Variants in CALN1 observed in about 807,000 individuals in gnomAD.
CALN1 encodes calcium-binding protein 8.
Under a neutral mutation model 30.6 loss-of-function variants are expected in CALN1, and 17 were observed. The observed-to-expected ratio is 0.56, with a 90% confidence interval of 0.38 to 0.83. CALN1 has a LOEUF of 0.83. Among genes scored for constraint, CALN1 ranks in the 40% least tolerant of loss-of-function variants. The probability of loss-of-function intolerance (pLI) is 0.00; values close to 1 mark genes in which losing one functional copy is unlikely to be tolerated. For synonymous variants in CALN1, 156 were observed against 131.4 expected (o/e 1.19, Z -1.28); for missense variants, 291 against 354.9 (o/e 0.82, Z 1.45).
chr7:72,165,912 G>A (rs1044220227), intron 3 of CALN1, among the ~76,000 whole-genome samples: 12 of 152,158 alleles, frequency 7.9e-5, no homozygotes, highest in Non-Finnish European at 1.5e-5. Context: ...CCAAGAAACT[G>A]CACCAGTAGG....
intron 3 of CALN1, among the ~76,000 whole-genome samples, chr7:72,266,374 T>C (rs113605308): frequency 4.6e-5 from 7 of 152,112 alleles, no homozygotes; most frequent in Non-Finnish European, 8.8e-5. Flanking sequence ...GGGCAAAGAG[T>C]TCCTGCTTAA....
At chr7:72,358,987 G>C (rs567025846) in intron 2 of CALN1, among the ~76,000 whole-genome samples, 25 of 151,790 alleles carry the variant, frequency 1.6e-4, no homozygotes, top group African/African-American at 5.3e-4. Flanking sequence ...AATTACATTG[G>C]GTGCTACCAA....
chr7:72,284,709 T>C (rs1005498904), intron 2 of CALN1, among the ~76,000 whole-genome samples: 1 of 152,198 alleles, frequency 6.6e-6, no homozygotes, highest in East Asian at 1.9e-4. Flanking sequence ...TATACCATTA[T>C]TTCTCTTGGG....
intron 2 of CALN1, among the ~76,000 whole-genome samples, chr7:72,334,848 C>G (rs1801906416): frequency 6.6e-6 from 1 of 152,178 alleles, no homozygotes; most frequent in African/African-American, 2.4e-5. Context: ...CAGTAAACAG[C>G]TTCATGCAGC....
At chr7:72,147,637 A>G (rs1190086856) in intron 3 of CALN1, among the ~76,000 whole-genome samples, 1 of 152,056 alleles carries the variant, frequency 6.6e-6, no homozygotes, top group African/African-American at 2.4e-5. Flanking sequence ...TACTATAAAG[A>G]CACATGCACA....
chr7:72,225,136 C>T (rs1191515546), intron 3 of CALN1, among the ~76,000 whole-genome samples: 1 of 151,942 alleles, frequency 6.6e-6, no homozygotes, highest in Non-Finnish European at 1.5e-5. Flanking sequence ...AGCATTTTCC[C>T]TGCACTTGGT....
intron 2 of CALN1, among the ~76,000 whole-genome samples, chr7:72,364,718 G>A (rs1337641865): frequency 1.3e-5 from 2 of 152,186 alleles, no homozygotes; most frequent in Admixed American, 1.3e-4. Flanking sequence ...TGAGGTATGG[G>A]TGTGTTAATT....
chr7:71,783,713 T>A lies in CALN1; in HGVS notation c.*4062A>T, dbSNP rs900740868. ...GACCTGAGTCTGGACTTAAACCGAG[T>A]ACGAGGCATTTGGAATAAAAGGTAA... On this transcript the variant is annotated 3_prime_UTR_variant, in exon 7 of 7. Coordinates refer to ENST00000395275, the MANE Select transcript of CALN1 (RefSeq NM_031468.4). The A allele has an allele frequency of 1.3e-5, 2 of 152,626 alleles. No homozygotes were observed. The highest frequency in any genetic ancestry group is 2.4e-5 in the African/African-American group (1 of 41,458). 9.5% of individuals were successfully genotyped at this position (152,626 alleles called of 1,614,324 possible).
At chr7:72,427,834 A>C (rs1253733937) in intron 1 of CALN1, among the ~76,000 whole-genome samples, 1 of 152,002 alleles carries the variant, frequency 6.6e-6, no homozygotes, top group South Asian at 2.1e-4. Context: ...TCTTGCTTAA[A>C]GTTCTCTCAG....
chr7:72,201,291 G>A (rs1407311848), intron 3 of CALN1, among the ~76,000 whole-genome samples: 2 of 152,106 alleles, frequency 1.3e-5, no homozygotes, highest in African/African-American at 4.8e-5. Context: ...TTGGGGGAAG[G>A]GTTGAAAAAC....
intron 5 of CALN1, among the ~76,000 whole-genome samples, chr7:72,014,425 T>C (rs1800266086): frequency 6.6e-6 from 1 of 152,114 alleles, no homozygotes; most frequent in African/African-American, 2.4e-5. Flanking sequence ...CAACTTTGAG[T>C]ATTACATGAT....
chr7:72,272,325 G>A (rs1797050720), intron 3 of CALN1, among the ~76,000 whole-genome samples: 1 of 152,120 alleles, frequency 6.6e-6, no homozygotes, highest in Non-Finnish European at 1.5e-5. Context: ...ACTTTGGGAG[G>A]TCGAGGCAGG....
At chr7:71,869,201 C>A (rs961005688) in intron 5 of CALN1, among the ~76,000 whole-genome samples, 3 of 151,840 alleles carry the variant, frequency 2.0e-5, no homozygotes, top group African/African-American at 7.3e-5. Flanking sequence ...TTTTCAAGAC[C>A]TGGAAAAAAC....
chr7:72,150,080 G>A (rs1038197570), intron 3 of CALN1, among the ~76,000 whole-genome samples: 2 of 149,130 alleles, frequency 1.3e-5, no homozygotes, highest in African/African-American at 5.0e-5. Context: ...AGCCGAGATC[G>A]TGCCACACTA....
intron 1 of CALN1, among the ~76,000 whole-genome samples, chr7:72,441,962 T>G (rs911093423): frequency 6.6e-6 from 1 of 151,910 alleles, no homozygotes; most frequent in Non-Finnish European, 1.5e-5. Flanking sequence ...CAATTTAACA[T>G]GAGAAACACC....
chr7:72,040,601 C>G (rs1259383741), intron 4 of CALN1, among the ~76,000 whole-genome samples: 3 of 152,170 alleles, frequency 2.0e-5, no homozygotes, highest in Non-Finnish European at 4.4e-5. Flanking sequence ...GAGACAAGGC[C>G]TTTAAGGAAG....
chr7:72,403,268 G>A lies in CALN1; in HGVS notation c.102C>T (p.Ala34=). The change falls in exon 2 of 7, where the codon GCC becomes GCT. Residue 34 remains alanine (A), a synonymous_variant. Transcript: ENST00000395275. The part of the protein sequence containing the change: ...GGGEEPPRSQ[A]PDFPTWEKMP... ...AGACTTGCCAGGTGGGGAAGTCGGG[G>A]GCCTGGCTCCTCGGCGGCTCCTCTC... The A allele has an allele frequency of 1.3e-6, 2 of 1,549,836 alleles. No homozygotes were observed. The highest frequency in any genetic ancestry group is 1.7e-6 in the Non-Finnish European group (2 of 1,146,830).
chr7:72,048,404 G>A (rs1312992137), intron 4 of CALN1, among the ~76,000 whole-genome samples: 1 of 152,080 alleles, frequency 6.6e-6, no homozygotes, highest in Non-Finnish European at 1.5e-5. Flanking sequence ...GCCGCCATGT[G>A]TGAGTAGAGC....
the CALN1 span, among the ~76,000 whole-genome samples, chr7:72,460,389 T>C: frequency 6.6e-6 from 1 of 151,920 alleles, no homozygotes; most frequent in Non-Finnish European, 1.5e-5. Flanking sequence ...CCCAGCACTT[T>C]GGGAGGCTGA....
Sources: allele counts gnomAD v4.1 joint callset (sites outside exome capture counted in the v4.1 genomes callset), GRCh38; gene constraint gnomAD v4.1.1; transcripts MANE v1.5; gene names NCBI Gene and HGNC (gene_info 2026-07-23, HGNC 2026-07-21).